The following SUGCT variants were observed in gnomAD, a reference collection of about 807,000 sequenced individuals.
SUGCT encodes succinyl-CoA:glutarate-CoA transferase.
In SUGCT, 41 loss-of-function variants were observed where a neutral mutation model predicts 55.0. That is an observed-to-expected ratio of 0.74 (90% confidence interval 0.58 to 0.97). The LOEUF (loss-of-function observed/expected upper bound fraction) is 0.97, where lower values mean the gene tolerates loss of function less well. Among genes scored for constraint, SUGCT ranks in the 50% least tolerant of loss-of-function variants. The pLI, the probability that SUGCT is intolerant of heterozygous loss-of-function variation, is 0.00. For missense variants in SUGCT, 568 were observed against 547.8 expected, an observed-to-expected ratio of 1.04 and a Z score of -0.37; for synonymous variants, 187 against 200.4, an observed-to-expected ratio of 0.93 and a Z score of 0.56.
intron 12 of SUGCT, among the ~76,000 whole-genome samples, chr7:40,668,173 A>AT (rs1423229395): frequency 6.6e-6 from 1 of 152,194 alleles, no homozygotes; most frequent in Non-Finnish European, 1.5e-5. Flanking sequence ...ATATTGGTGA[A>AT]TGGTATTGAC....
chr7:40,439,196 C>A (rs1382698479), intron 9 of SUGCT, among the ~76,000 whole-genome samples: 5 of 147,830 alleles, frequency 3.4e-5, no homozygotes, highest in Admixed American at 1.4e-4. Flanking sequence ...CTAGGCATAA[C>A]CCGAACCTGC....
At chr7:40,617,331 C>G (rs1351084860) in intron 12 of SUGCT, among the ~76,000 whole-genome samples, 1 of 152,140 alleles carries the variant, frequency 6.6e-6, no homozygotes, top group African/African-American at 2.4e-5. Flanking sequence ...AAGTTTCTGT[C>G]AAGCTTGAAG....
intron 12 of SUGCT, among the ~76,000 whole-genome samples, chr7:40,516,146 C>T (rs1223260660): frequency 2.0e-5 from 3 of 152,050 alleles, no homozygotes; most frequent in East Asian, 3.9e-4. Flanking sequence ...ATTATTGACG[C>T]GTTGTCTGCT....
intron 11 of SUGCT, among the ~76,000 whole-genome samples, chr7:40,480,898 A>G (rs1790995432): frequency 6.6e-6 from 1 of 152,188 alleles, no homozygotes; most frequent in Non-Finnish European, 1.5e-5. Context: ...CCAGAGACAC[A>G]CACTCAAGAA....
At chr7:40,610,167 G>A (rs1434497250) in intron 12 of SUGCT, among the ~76,000 whole-genome samples, 3 of 152,202 alleles carry the variant, frequency 2.0e-5, no homozygotes, top group Admixed American at 6.5e-5. Flanking sequence ...GGAAAGGGCA[G>A]CAGCCATTGC....
chr7:40,532,295 T>G (rs894755440), intron 12 of SUGCT, among the ~76,000 whole-genome samples: 2 of 152,348 alleles, frequency 1.3e-5, no homozygotes, highest in African/African-American at 4.8e-5. Flanking sequence ...TAGCCATGCC[T>G]TATACTCCTT....
intron 13 of SUGCT, among the ~76,000 whole-genome samples, chr7:40,755,639 T>C (rs923573214): frequency 1.3e-4 from 20 of 152,218 alleles, no homozygotes; most frequent in African/African-American, 4.3e-4. Context: ...TGGTGCTGAG[T>C]GCCAAACTTC....
In SUGCT at chr7:40,316,670, A is replaced by C. The variant is rs371986233; in HGVS notation, c.721-90A>C. On this transcript the variant is annotated intron_variant, in intron 8 of 13. Transcript: ENST00000335693. ...GTTTTTTTCTTCTACAATGAGATGA[A>C]GTGAAATTACTTTCATAATATAACG... 830 of 784,484 alleles carry C rather than the reference A, an allele frequency of 1.1e-3. 15 individuals are homozygous for C. The South Asian group carries it at 0.018, about 17-fold the overall frequency. The allele number at this position is 784,484 out of a possible 1,614,324, so 48.6% of individuals were successfully genotyped here.
At chr7:41,022,410 G>A in the SUGCT span, among the ~76,000 whole-genome samples, 1 of 152,112 alleles carries the variant, frequency 6.6e-6, no homozygotes, top group Admixed American at 6.5e-5. Context: ...AACAATGAAT[G>A]GGAGTTTCTT....
At chr7:40,185,177 G>A (rs1785432039) in intron 3 of SUGCT, among the ~76,000 whole-genome samples, 1 of 152,022 alleles carries the variant, frequency 6.6e-6, no homozygotes, top group Non-Finnish European at 1.5e-5. Flanking sequence ...TTATTTTCTA[G>A]CTCAACATTT....
At chr7:40,687,587 C>A (rs1455202565) in intron 12 of SUGCT, among the ~76,000 whole-genome samples, 1 of 152,160 alleles carries the variant, frequency 6.6e-6, no homozygotes, top group African/African-American at 2.4e-5. Context: ...CCACTGAGTT[C>A]TTTCCACCCT....
At chr7:41,010,876 C>T in the SUGCT span, among the ~76,000 whole-genome samples, 5 of 152,150 alleles carry the variant, frequency 3.3e-5, no homozygotes, top group Non-Finnish European at 7.4e-5. Context: ...AATGTTTGAC[C>T]TGGAACGAAA....
intron 12 of SUGCT, among the ~76,000 whole-genome samples, chr7:40,532,741 G>A (rs1259873958): frequency 6.6e-6 from 1 of 152,036 alleles, no homozygotes; most frequent in Non-Finnish European, 1.5e-5. Flanking sequence ...TGTTCATAAA[G>A]TAACATACTG....
intron 1 of SUGCT, among the ~76,000 whole-genome samples, chr7:40,172,837 G>T (rs1784740488): frequency 6.6e-6 from 1 of 152,168 alleles, no homozygotes; most frequent in Non-Finnish European, 1.5e-5. Flanking sequence ...TTCCCAGGAA[G>T]CCTCACACCT....
intron 9 of SUGCT, among the ~76,000 whole-genome samples, chr7:40,403,842 C>T (rs553011142): frequency 1.3e-5 from 2 of 152,300 alleles, no homozygotes; most frequent in East Asian, 3.9e-4. Flanking sequence ...ACAGTGCAAA[C>T]ATGCCCTTTT....
At chr7:40,705,006 T>G (rs1054728865) in intron 12 of SUGCT, among the ~76,000 whole-genome samples, 1 of 152,232 alleles carries the variant, frequency 6.6e-6, no homozygotes, top group Non-Finnish European at 1.5e-5. Context: ...CTGAAAAATC[T>G]TAATATTTGC....
chr7:40,718,298 T>C (rs1357959212), intron 12 of SUGCT, among the ~76,000 whole-genome samples: 1 of 152,170 alleles, frequency 6.6e-6, no homozygotes, highest in African/African-American at 2.4e-5. Context: ...GAAACAATGT[T>C]TGAGAAGAAA....
intron 9 of SUGCT, among the ~76,000 whole-genome samples, chr7:40,352,353 A>G (rs1195424970): frequency 1.3e-5 from 2 of 152,076 alleles, no homozygotes; most frequent in Admixed American, 6.6e-5. Context: ...TCAGTGGTAC[A>G]TGTGCAGGTT....
At chr7:41,006,774 G>T in the SUGCT span, among the ~76,000 whole-genome samples, 3 of 152,168 alleles carry the variant, frequency 2.0e-5, no homozygotes, top group African/African-American at 7.2e-5. Flanking sequence ...ACTTGGTTCT[G>T]TCTTGGATAC....
Sources: allele counts gnomAD v4.1 joint callset (sites outside exome capture counted in the v4.1 genomes callset), GRCh38; gene constraint gnomAD v4.1.1; transcripts MANE v1.5; gene names NCBI Gene and HGNC (gene_info 2026-07-23, HGNC 2026-07-21).